Variants in UNC79 observed in about 807,000 individuals in gnomAD.
The protein encoded by UNC79 is protein unc-79 homolog.
In UNC79, 37 loss-of-function variants were observed where a neutral mutation model predicts 283.1. That is an observed-to-expected ratio of 0.13 (90% CI 0.10 to 0.17). UNC79 has a LOEUF of 0.17. UNC79 is among the 10% of genes least tolerant of loss of function. The probability of loss-of-function intolerance (pLI) is 1.00; values close to 1 mark genes in which losing one functional copy is unlikely to be tolerated. For synonymous variants in UNC79, 1,107 were observed against 1,200.2 expected, an observed-to-expected ratio of 0.92 and a Z score of 1.61; for missense variants, 2,272 against 3,211.1, an observed-to-expected ratio of 0.71 and a Z score of 7.07.
intron 26 of UNC79, among the ~76,000 whole-genome samples, chr14:93,605,355 G>A (rs1256135927): frequency 1.3e-5 from 2 of 152,094 alleles, no homozygotes; most frequent in Admixed American, 1.3e-4. Flanking sequence ...TTATACATTT[G>A]AACCACTGTC....
Position 93,600,516 on chromosome 14 carries a change from A to C in UNC79, c.3373-53A>C. On this transcript the variant is annotated intron_variant, in intron 24 of 48. Coordinates refer to ENST00000555664, the Ensembl canonical transcript of UNC79. ...GTATATCGGCTTTGAAGTAACTTAG[A>C]TGTTTATATCTGACTTTCTTCTTTT... The C allele has an allele frequency of 2.2e-6, 3 of 1,387,750 alleles. No homozygotes were observed. The South Asian group carries it at 3.8e-5, about 18-fold the overall frequency. The allele number at this position is 1,387,750 out of a possible 1,614,324, so 86.0% of individuals were successfully genotyped here. A position where few individuals can be genotyped will look rare whatever the true frequency, so the allele number is the denominator to read the frequency against.
At chr14:93,618,147 T>C in intron 28 of UNC79, 45 bp from the exon 30 acceptor site, 1 of 1,575,236 alleles carries the variant, frequency 6.3e-7, no homozygotes, top group Non-Finnish European at 8.6e-7. Context: ...AAGCTTACCC[T>C]CTAAAATAAC....
At chr14:93,605,040 C>T in intron 26 of UNC79, 79 bp downstream of exon 27, 1 of 1,464,252 alleles carries the variant, frequency 6.8e-7, no homozygotes, top group South Asian at 1.3e-5. Flanking sequence ...GTGTCTCTAA[C>T]TGGACCAGGG....
chr14:93,661,422 T>C (rs1034902607), intron 39 of UNC79, among the ~76,000 whole-genome samples: 3 of 152,232 alleles, frequency 2.0e-5, no homozygotes, highest in South Asian at 2.1e-4. Context: ...GAGTTTGACA[T>C]TGAACATGTA....
rs539525927 is a variant in UNC79, at chr14:93,493,678, A to G, written c.713-2733A>G. Among the ~76,000 whole-genome samples, 516 of 151,992 alleles carry G rather than the reference A, an allele frequency of 3.4e-3. 3 individuals carry two copies. The highest frequency in any genetic ancestry group is 5.4e-3 in the Admixed American group (83 of 15,262). ...TATTAGTTTGTTGTTGCACTGCTAT[A>G]AAGAAATACCTGAGACTGGGTAATT... is the stretch of plus-strand genomic sequence containing the variant. On this transcript the variant is annotated intron_variant, in intron 5 of 48. Coordinates refer to ENST00000555664, the Ensembl canonical transcript of UNC79.
chr14:93,689,491 T>TC (rs1277266436), intron 44 of UNC79: 1 of 144,440 alleles, frequency 6.9e-6, no homozygotes, highest in Non-Finnish European at 1.5e-5. Flanking sequence ...AAATTTCTTT[T>TC]TTTTTTTTTT....
At chr14:93,670,379 A>G (rs1473210695) in intron 40 of UNC79, among the ~76,000 whole-genome samples, 6 of 152,170 alleles carry the variant, frequency 3.9e-5, no homozygotes, top group Non-Finnish European at 8.8e-5. Flanking sequence ...GCTTTTGTCT[A>G]ATTGGTTATA....
chr14:93,381,933 A>G (rs2054673767), intron 1 of UNC79, among the ~76,000 whole-genome samples: 1 of 152,214 alleles, frequency 6.6e-6, no homozygotes, highest in Non-Finnish European at 1.5e-5. Flanking sequence ...AGGAAAGCCA[A>G]GTGTGAACTA....
At chr14:93,620,577 T>C (rs886825587) in intron 29 of UNC79, among the ~76,000 whole-genome samples, 2 of 152,146 alleles carry the variant, frequency 1.3e-5, no homozygotes, top group Admixed American at 1.3e-4. Context: ...GTAGCTGACA[T>C]CTATGTGTCA....
intron 4 of UNC79, among the ~76,000 whole-genome samples, chr14:93,481,778 A>G (rs1318147471): frequency 6.6e-6 from 1 of 152,222 alleles, no homozygotes; most frequent in Non-Finnish European, 1.5e-5. Flanking sequence ...CAAAATATTA[A>G]TGATATTTAA....
chr14:93,365,711 GC>G (rs1412450432), intron 1 of UNC79, among the ~76,000 whole-genome samples: 3 of 152,088 alleles, frequency 2.0e-5, no homozygotes, highest in African/African-American at 7.2e-5. Context: ...GTCTTTAAGA[GC>G]ATAGAGAAAA....
At chr14:93,696,214 A>G (rs748380081) in intron 47 of UNC79, among the ~76,000 whole-genome samples, 26 of 152,226 alleles carry the variant, frequency 1.7e-4, no homozygotes, top group Non-Finnish European at 3.1e-4. Flanking sequence ...TTTATCAGTT[A>G]TTTGACATCT....
chr14:93,690,187 C>A lies in UNC79; in HGVS notation c.7156C>A (p.His2386Asn). ...CTGGCTGCTGCTGGGTTCCCTCACT[C>A]ACAATGCAGTGTGCCCAAATGCCTC... The change falls in exon 45 of 49, where the codon CAC becomes AAC. Residue 2386 changes from histidine to asparagine, a missense_variant. This residue lies in a region of UNC79 where 225 missense variants were observed against 334.2 expected (regional missense o/e 0.67). Transcript: ENST00000555664. This position sits in a 1 kb window ranked among gnomAD's most constrained non-coding sequence, Gnocchi z 4.3. 1 of 1,614,222 alleles carries A rather than the reference C, an allele frequency of 6.2e-7. No individual in the cohort carries two copies. The highest frequency in any genetic ancestry group is 1.3e-5 in the African/African-American group (1 of 75,050).
chr14:93,347,894 A>G, intron 1 of UNC79: 1 of 579,946 alleles, frequency 1.7e-6, no homozygotes, highest in Non-Finnish European at 3.1e-6. Context: ...TCAGCATTTT[A>G]GATTTCACTA....
At chr14:93,418,407 T>C in intron 1 of UNC79, among the ~76,000 whole-genome samples, 1 of 151,722 alleles carries the variant, frequency 6.6e-6, no homozygotes. Flanking sequence ...TACCCGGCCA[T>C]GTGAGGTGTC....
intron 31 of UNC79, among the ~76,000 whole-genome samples, chr14:93,631,699 A>G (rs1025729075): frequency 6.6e-6 from 1 of 152,182 alleles, no homozygotes; most frequent in African/African-American, 2.4e-5. Flanking sequence ...CCATCTTTTG[A>G]TGATCCTGAA....
At chr14:93,548,393 A>G (rs567672913) in intron 14 of UNC79, among the ~76,000 whole-genome samples, 1 of 152,348 alleles carries the variant, frequency 6.6e-6, no homozygotes, top group East Asian at 1.9e-4. Flanking sequence ...GTTTCACCCT[A>G]AGAACTTTGC....
At chr14:93,484,268 C>T (rs1181239508) in intron 4 of UNC79, among the ~76,000 whole-genome samples, 3 of 152,204 alleles carry the variant, frequency 2.0e-5, no homozygotes, top group African/African-American at 7.2e-5. Flanking sequence ...GTTTAGTATA[C>T]AGGAAGTACT....
chr14:93,386,479 C>A (rs2054777046), intron 1 of UNC79, among the ~76,000 whole-genome samples: 1 of 152,070 alleles, frequency 6.6e-6, no homozygotes. Context: ...GTAATATTGG[C>A]CTCATAGAAT....
Sources: allele counts gnomAD v4.1 joint callset (sites outside exome capture counted in the v4.1 genomes callset), GRCh38; gene constraint gnomAD v4.1.1; regional missense constraint gnomAD v4.1.1; non-coding constraint Gnocchi (gnomAD v3.1); transcripts MANE v1.5; gene names NCBI Gene and HGNC (gene_info 2026-07-23, HGNC 2026-07-21).